Variants in ZNF536 observed in about 807,000 individuals in gnomAD.
ZNF536 encodes the protein zinc finger protein 536.
Under a neutral mutation model 84.5 loss-of-function variants are expected in ZNF536, and 13 were observed. The observed-to-expected ratio is 0.15, with a 90% CI of 0.10 to 0.24. The LOEUF is 0.24. ZNF536 is among the 10% of genes least tolerant of loss of function. The probability of loss-of-function intolerance (pLI) is 1.00; values close to 1 mark genes in which losing one functional copy is unlikely to be tolerated. For synonymous variants in ZNF536, 811 were observed against 742.5 expected (o/e 1.09, Z -1.50); for missense variants, 1,536 against 1,747.5 (o/e 0.88, Z 2.16).
chr19:30,402,167 G>C (rs1189047137), intron 1 of ZNF536, among the ~76,000 whole-genome samples: 1 of 151,980 alleles, frequency 6.6e-6, no homozygotes, highest in Non-Finnish European at 1.5e-5. Context: ...GTAAACACTT[G>C]CGAGTGTAAA....
At chr19:30,343,804 G>A (rs2047641079) in intron 2 of ZNF536, among the ~76,000 whole-genome samples, 1 of 152,104 alleles carries the variant, frequency 6.6e-6, no homozygotes, top group Non-Finnish European at 1.5e-5. Context: ...GCTGCTTCAG[G>A]ACAAAGATAC....
chr19:30,626,036 GA>G (rs1221909676), intron 1 of ZNF536, among the ~76,000 whole-genome samples: 2 of 152,166 alleles, frequency 1.3e-5, no homozygotes, highest in African/African-American at 2.4e-5. Context: ...TATTTACCAA[GA>G]AAAAAACATC....
chr19:30,292,974 G>A (rs920646353), intron 2 of ZNF536, among the ~76,000 whole-genome samples: 6 of 152,118 alleles, frequency 3.9e-5, no homozygotes, highest in South Asian at 4.2e-4. Context: ...TTCCATAACC[G>A]AGAGGAAAGT....
At chr19:30,374,252 T>G (rs2048721539) in intron 1 of ZNF536, among the ~76,000 whole-genome samples, 1 of 151,978 alleles carries the variant, frequency 6.6e-6, no homozygotes, top group African/African-American at 2.4e-5. Flanking sequence ...AATTGCACCT[T>G]AAGAAGAAGT....
chr19:30,575,310 CCA>C (rs141276968), intron 1 of ZNF536, among the ~76,000 whole-genome samples: 3,891 of 152,290 alleles, frequency 0.026, 165 homozygotes, highest in African/African-American at 0.089. Context: ...GACAGCCCCT[CCA>C]TGGGATAGGA....
chr19:30,671,599 G>A (rs888077740), intron 1 of ZNF536, among the ~76,000 whole-genome samples: 4 of 152,174 alleles, frequency 2.6e-5, no homozygotes, highest in African/African-American at 4.8e-5. Flanking sequence ...AGAGGGCACA[G>A]CCTCACTGGA....
chr19:30,672,540 C>T (rs1016352614), intron 1 of ZNF536, among the ~76,000 whole-genome samples: 8 of 152,174 alleles, frequency 5.3e-5, no homozygotes, highest in Admixed American at 2.0e-4. Context: ...ATGGGGTCTG[C>T]AAACCTCCAT....
intron 1 of ZNF536, among the ~76,000 whole-genome samples, chr19:30,609,995 C>T (rs982063820): frequency 6.6e-6 from 1 of 152,030 alleles, no homozygotes; most frequent in African/African-American, 2.4e-5. Flanking sequence ...TCCACCCACC[C>T]ATCTATCCAT....
At chr19:30,498,204 A>G (rs952437736) in intron 2 of ZNF536, among the ~76,000 whole-genome samples, 9 of 152,246 alleles carry the variant, frequency 5.9e-5, no homozygotes, top group African/African-American at 2.2e-4. Flanking sequence ...ACCGTTAATG[A>G]TAGACTGTAT....
rs183904842 is a variant in ZNF536, at chr19:30,284,455, G to T, written c.-120+314G>T. On this transcript the variant is annotated intron_variant, in intron 2 of 5. Coordinates refer to the ZNF536 transcript ENST00000585628. ...AGCCTGGAACCAGGGCTGAGAGCTG[G>T]TGGGGCTTTTGCTAAAGGCCGAGTG... 2.6e-5 allele frequency among the ~76,000 whole-genome samples: 4 copies of T among 152,328 alleles called. No homozygotes were observed. The East Asian group carries it at 7.7e-4, about 29-fold the overall frequency.
At chr19:30,585,406 G>A (rs928073427) in intron 1 of ZNF536, among the ~76,000 whole-genome samples, 5 of 152,186 alleles carry the variant, frequency 3.3e-5, no homozygotes, top group African/African-American at 1.2e-4. Context: ...ATGAATGGAT[G>A]GATGAACAGA....
At position 30,701,262 on chromosome 19, in the gene ZNF536, CACACAG is replaced by C. The variant is rs768218329; in HGVS notation, c.170-9486_170-9481del. On this transcript the variant is annotated intron_variant, in intron 1 of 1. Transcript: ENST00000592773. The stretch of plus-strand genomic sequence containing the variant: ...ACACAAACACAAACACACACACAAA[CACACAG>C]ACACAGACGCATACAAACACAAACA... Among the ~76,000 whole-genome samples the C allele has an allele frequency of 5.9e-5, 9 of 151,606 alleles. No homozygotes were observed. The South Asian group carries it at 6.3e-4, about 11-fold the overall frequency.
intron 1 of ZNF536, chr19:30,436,532 A>G: frequency 1.0e-6 from 1 of 984,924 alleles, no homozygotes; most frequent in Non-Finnish European, 1.2e-6. Context: ...TAAGCATGAA[A>G]TCTCTGGTTT....
rs763812644 is a variant in ZNF536 at position 30,445,312 on chromosome 19, C to G, written c.1750C>G (p.His584Asp). 2.5e-6 allele frequency: 4 copies of G among 1,614,040 alleles called. No homozygotes were observed. In the African/African-American group the frequency reaches 5.3e-5, roughly 22 times the overall value. Residue 584 changes from histidine to aspartate, a missense_variant, in exon 2 of 5, where the codon CAC becomes GAC. His to Asp is a moderately conservative substitution (Grantham distance 81). Around this residue, in one of 8 missense-constraint regions of ZNF536, gnomAD observed 366 missense variants for 364.4 expected, o/e 1.00. Coordinates refer to ENST00000355537, the MANE Select transcript of ZNF536 (RefSeq NM_014717.3). This position sits in a 1 kb window ranked among gnomAD's most constrained non-coding sequence, Gnocchi z 4.5. Reference protein sequence around the residue: ...SKQKMPADLVHSTKVGSQRDL... With the variant: ...SKQKMPADLVDSTKVGSQRDL... The stretch of plus-strand genomic sequence containing the variant: ...GCAGAAAATGCCTGCTGATTTGGTT[C>G]ACAGCACTAAAGTGGGCAGCCAGAG...
downstream of ZNF536, among the ~76,000 whole-genome samples, chr19:30,561,235 T>A (rs2046153348): frequency 6.6e-6 from 1 of 152,232 alleles, no homozygotes; most frequent in African/African-American, 2.4e-5. Flanking sequence ...GACAAGTTGC[T>A]TTTTTCTTGA....
intron 1 of ZNF536, among the ~76,000 whole-genome samples, chr19:30,598,039 T>C (rs1002593707): frequency 1.3e-5 from 2 of 152,208 alleles, no homozygotes; most frequent in Non-Finnish European, 2.9e-5. Context: ...GGTGTTGTTG[T>C]ATGCACATGT....
chr19:30,663,266 CCT>C (rs1288364377), intron 1 of ZNF536, among the ~76,000 whole-genome samples: 6 of 152,070 alleles, frequency 3.9e-5, no homozygotes, highest in Non-Finnish European at 8.8e-5. Context: ...AGACAAACCC[CCT>C]GAGTGAAATA....
rs545177725 is a variant in ZNF536 at position 30,663,723 on chromosome 19, A to G, written c.170-47034A>G. Among the ~76,000 whole-genome samples the G allele has an allele frequency of 9.6e-4, 147 of 152,354 alleles. 1 individual carries two copies. Among genetic ancestry groups the G allele is most frequent in the Non-Finnish European group, 1.8e-3 (125 of 68,032 alleles). On this transcript the variant is annotated intron_variant, in intron 1 of 1. Coordinates refer to the ZNF536 transcript ENST00000592773. ...GCAAGGTTTTACAGCAGACTGTGAC[A>G]TTAACAAAATACAAAGGAGAATGGT...
At chr19:30,379,387 C>A (rs2048935838) in intron 1 of ZNF536, among the ~76,000 whole-genome samples, 1 of 151,962 alleles carries the variant, frequency 6.6e-6, no homozygotes, top group African/African-American at 2.4e-5. Context: ...GTCATGGCTC[C>A]CAAGTCTGGC....
Sources: gnomAD v4.1 joint callset for allele counts (sites outside exome capture counted in the v4.1 genomes callset) on GRCh38, gnomAD v4.1.1 for gene constraint, gnomAD v4.1.1 regional missense constraint, Gnocchi (gnomAD v3.1) non-coding constraint, MANE v1.5 for transcripts, NCBI Gene and HGNC (gene_info 2026-07-23, HGNC 2026-07-21) for gene names.